ARID1B: variants seen among roughly 807,000 people sequenced by gnomAD.
The protein encoded by ARID1B is AT-rich interactive domain-containing protein 1B.
In ARID1B, 30 loss-of-function variants were observed where a neutral mutation model predicts 212.3. The ratio of observed to expected loss-of-function variants is 0.14; its 90% CI spans 0.11 to 0.19. The LOEUF (loss-of-function observed/expected upper bound fraction) is 0.19, where lower values mean the gene tolerates loss of function less well. Ranked by LOEUF, ARID1B falls within the 10% of genes least tolerant of loss-of-function variation. The pLI, the probability that ARID1B is intolerant of heterozygous loss-of-function variation, is 1.00. For missense variants in ARID1B, 2,891 were observed against 3,204.0 expected (o/e 0.90, Z 2.36); for synonymous variants, 1,402 against 1,301.7 (o/e 1.08, Z -1.66).
intron 12 of ARID1B, among the ~76,000 whole-genome samples, chr6:157,181,611 A>G (rs1792539415): frequency 6.6e-6 from 1 of 152,256 alleles, no homozygotes; most frequent in Non-Finnish European, 1.5e-5. Flanking sequence ...ATTAAGTGAT[A>G]CTTGTCAAAC....
chr6:156,840,643 C>T (rs1029752421), intron 2 of ARID1B, among the ~76,000 whole-genome samples: 2 of 152,192 alleles, frequency 1.3e-5, no homozygotes, highest in African/African-American at 2.4e-5. Context: ...TCACTAGAAT[C>T]CCGGTGCCCA....
intron 3 of ARID1B, among the ~76,000 whole-genome samples, chr6:156,903,590 A>G (rs1425919904): frequency 6.6e-6 from 1 of 152,212 alleles, no homozygotes; most frequent in Non-Finnish European, 1.5e-5. Flanking sequence ...AGTTTCTCAA[A>G]AAAGTGATAA....
chr6:156,930,789 C>T lies in ARID1B; in HGVS notation c.2137-4677C>T, dbSNP rs78276180. Among the ~76,000 whole-genome samples the T allele has an allele frequency of 2.7e-3, 407 of 152,114 alleles. 21 individuals are homozygous for T. The East Asian group carries it at 0.074, about 28-fold the overall frequency. On this transcript the variant is annotated intron_variant, in intron 3 of 19. Coordinates refer to ENST00000636930, the MANE Select transcript of ARID1B (RefSeq NM_001374828.1). ...TACAATATATTAAGAGGCTGAACAA[C>T]GTGCTGTTTACAGAAAATATGCTCT...
intron 1 of ARID1B, among the ~76,000 whole-genome samples, chr6:156,826,092 C>G (rs907784409): frequency 6.6e-6 from 1 of 151,204 alleles, no homozygotes; most frequent in Non-Finnish European, 1.5e-5. Context: ...TAAGTCCAAA[C>G]AATGTCTTGG....
rs2114993945 is a variant in ARID1B at position 156,779,030 on chromosome 6, G to A, written c.1350G>A (p.Val450=). The change falls in exon 1 of 20, where the codon GTG becomes GTA. Residue 450 remains valine, a synonymous_variant. Coordinates refer to ENST00000636930, the MANE Select transcript of ARID1B (RefSeq NM_001374828.1). ...GYGGSSAGYG[V]LSSPRQQGGG... is the part of the protein sequence containing the mutation. ...GGGGCTCGTCCGCGGGGTACGGGGT[G>A]CTGAGCTCCCCCCGGCAGCAGGGCG... 1 of 1,238,732 alleles carries A rather than the reference G, an allele frequency of 8.1e-7. No homozygotes were observed. Among genetic ancestry groups the A allele is most frequent in the Non-Finnish European group, 1.0e-6 (1 of 997,410 alleles). The allele number at this position is 1,238,732 out of a possible 1,614,324, so 76.7% of individuals were successfully genotyped here.
At position 157,208,240 on chromosome 6, in the gene ARID1B, T is replaced by C. The variant is rs1794606783; in HGVS notation, c.*349T>C. On this transcript the variant is annotated 3_prime_UTR_variant, in exon 20 of 20. Coordinates refer to ENST00000636930, the MANE Select transcript of ARID1B (RefSeq NM_001374828.1). Reference sequence around the variant, plus strand: ...ATTTTTGGGGGAAGCAAATTGACTTTAAAGAAAAAAGTTGTGGCAAAAGAT... The same window carrying C: ...ATTTTTGGGGGAAGCAAATTGACTTCAAAGAAAAAAGTTGTGGCAAAAGAT... The C allele has an allele frequency of 4.0e-6, 1 of 248,586 alleles. No individual in the cohort carries two copies. Among genetic ancestry groups the C allele is most frequent in the Non-Finnish European group, 7.7e-6 (1 of 129,304 alleles). The allele number at this position is 248,586 out of a possible 1,614,324, so 15.4% of individuals were successfully genotyped here. A position where few individuals can be genotyped will look rare whatever the true frequency, so the allele number is the denominator to read the frequency against.
At chr6:157,063,696 A>G (rs1440113826) in intron 4 of ARID1B, among the ~76,000 whole-genome samples, 2 of 152,228 alleles carry the variant, frequency 1.3e-5, no homozygotes, top group Non-Finnish European at 2.9e-5. Flanking sequence ...ATTGTTATGT[A>G]TGGAATGACT....
At chr6:157,085,925 C>A (rs375212419) in intron 5 of ARID1B, among the ~76,000 whole-genome samples, 6 of 152,112 alleles carry the variant, frequency 3.9e-5, no homozygotes, top group African/African-American at 1.4e-4. Context: ...TTCAAATATC[C>A]TTTTAATCTT....
At chr6:157,152,706 T>C (rs749186101) in intron 8 of ARID1B, among the ~76,000 whole-genome samples, 7 of 152,262 alleles carry the variant, frequency 4.6e-5, no homozygotes, top group Non-Finnish European at 7.3e-5. Flanking sequence ...AACATGCTTT[T>C]GCTTTACTTA....
chr6:156,998,808 T>A (rs1392300523), intron 4 of ARID1B, among the ~76,000 whole-genome samples: 2 of 152,230 alleles, frequency 1.3e-5, no homozygotes. Context: ...GCCTCTATTC[T>A]GTGATAAAAT....
chr6:157,181,249 A>C (rs1274183280), intron 12 of ARID1B, 71 bp downstream of exon 12: 1 of 1,535,540 alleles, frequency 6.5e-7, no homozygotes, highest in East Asian at 2.3e-5. Flanking sequence ...CTTTCTTTGA[A>C]TGTGTGGACT....
rs1223386781 is a variant in ARID1B, at chr6:157,201,551, A to G, written c.5263+63A>G. 7.5e-6 allele frequency: 11 copies of G among 1,463,984 alleles called. No homozygotes were observed. The South Asian group carries it at 1.6e-4, about 22-fold the overall frequency. The allele number at this position is 1,463,984 out of a possible 1,614,324, so 90.7% of individuals were successfully genotyped here. ...AGTTGCAGTGTAGAATTTTAATTTT[A>G]GTAAAGATGCTGTTCCTGCTCATCT... On this transcript the variant is annotated intron_variant, in intron 18 of 19. Transcript: ENST00000636930. This position sits in a 1 kb window ranked among gnomAD's most constrained non-coding sequence, Gnocchi z 5.2.
At chr6:157,123,465 G>A (rs1003930088) in intron 6 of ARID1B, among the ~76,000 whole-genome samples, 1 of 152,226 alleles carries the variant, frequency 6.6e-6, no homozygotes, top group Non-Finnish European at 1.5e-5. Flanking sequence ...AGCTAAGTGA[G>A]GCAGGATCCC....
intron 2 of ARID1B, among the ~76,000 whole-genome samples, chr6:156,847,800 A>G (rs1772877826): frequency 6.6e-6 from 1 of 152,202 alleles, no homozygotes; most frequent in African/African-American, 2.4e-5. Context: ...TAGTTCGAAA[A>G]GAAATTTCTG....
chr6:156,812,933 G>GGGGTGT (rs758647303), intron 1 of ARID1B, among the ~76,000 whole-genome samples: 2 of 89,436 alleles, frequency 2.2e-5, no homozygotes, highest in Admixed American at 1.2e-4. Context: ...TATAATCCTG[G>GGGGTGT]GTGTGTGTGT....
rs9478753 is a variant in ARID1B at position 157,180,292 on chromosome 6, A to G, written c.3505-677A>G. ...GTATCAATATAAAACACATGAGCAT[A>G]TAAATACATGGGCATAAAAATAAAT... On this transcript the variant is annotated intron_variant, in intron 11 of 19. Transcript: ENST00000636930. Among the ~76,000 whole-genome samples the G allele has an allele frequency of 3.1e-3, 471 of 152,222 alleles. 4 individuals carry two copies. The highest frequency in any genetic ancestry group is 5.7e-3 in the Non-Finnish European group (385 of 68,016).
intron 3 of ARID1B, among the ~76,000 whole-genome samples, chr6:156,915,835 G>A (rs1277649843): frequency 3.3e-5 from 5 of 151,210 alleles, no homozygotes; most frequent in Non-Finnish European, 5.9e-5. Flanking sequence ...GGCAGAGGTT[G>A]TAATGAGCCA....
At chr6:156,800,586 C>A (rs1460195377) in intron 1 of ARID1B, among the ~76,000 whole-genome samples, 1 of 151,784 alleles carries the variant, frequency 6.6e-6, no homozygotes, top group Non-Finnish European at 1.5e-5. Context: ...AATACTCCAT[C>A]TCAAAAGAAA....
At position 156,914,825 on chromosome 6, in the gene ARID1B, A is replaced by G. The variant is rs1208362230; in HGVS notation, c.2136+13300A>G. ...TGTCTATATTTTCCCCCATCCCAAC[A>G]ATATGTATGTCAATCCATCCTTTCT... On this transcript the variant is annotated intron_variant, in intron 3 of 19. Transcript: ENST00000636930. Among the ~76,000 whole-genome samples the G allele has an allele frequency of 3.3e-5, 5 of 152,146 alleles. No homozygotes were observed. The East Asian group carries it at 5.8e-4, about 18-fold the overall frequency.
Sources: allele counts gnomAD v4.1 joint callset (sites outside exome capture counted in the v4.1 genomes callset), GRCh38; gene constraint gnomAD v4.1.1; non-coding constraint Gnocchi (gnomAD v3.1); transcripts MANE v1.5; gene names NCBI Gene and HGNC (gene_info 2026-07-23, HGNC 2026-07-21).